Variants in GRB10 observed in about 807,000 individuals in gnomAD.
The protein encoded by GRB10 is growth factor receptor bound protein 10.
Under a neutral mutation model 80.9 loss-of-function variants are expected in GRB10, and 20 were observed. The ratio of observed to expected loss-of-function variants is 0.25; its 90% CI spans 0.17 to 0.36. The LOEUF (loss-of-function observed/expected upper bound fraction) is 0.36, where lower values mean the gene tolerates loss of function less well. Among genes scored for constraint, GRB10 ranks in the 10% least tolerant of loss-of-function variants. The pLI is 1.00. For missense variants in GRB10, 548 were observed against 747.7 expected, an observed-to-expected ratio of 0.73 and a Z score of 3.12; for synonymous variants, 291 against 291.5, an observed-to-expected ratio of 1.00 and a Z score of 0.02.
intron 10 of GRB10, among the ~76,000 whole-genome samples, chr7:50,617,010 G>T (rs550156691): frequency 6.6e-6 from 1 of 152,212 alleles, no homozygotes; most frequent in Non-Finnish European, 1.5e-5. Context: ...GGAAAGGCAC[G>T]TCGGACAGAG....
At chr7:50,713,404 C>T (rs777210260) in intron 4 of GRB10, among the ~76,000 whole-genome samples, 10 of 151,732 alleles carry the variant, frequency 6.6e-5, no homozygotes, top group Admixed American at 1.3e-4. Flanking sequence ...CCTCCTCCAC[C>T]GCCACCTCCA....
chr7:50,604,788 A>G, intron 15 of GRB10: 1 of 340,032 alleles, frequency 2.9e-6, no homozygotes, highest in Non-Finnish European at 5.6e-6. Context: ...AGAAAATGCC[A>G]GAGTCCAGGC....
chr7:50,703,945 T>A (rs1412446668), intron 4 of GRB10, 37 bp from the exon 5 acceptor site: 3 of 1,439,468 alleles, frequency 2.1e-6, no homozygotes, highest in Non-Finnish European at 2.9e-6. Context: ...GGCTGTGAGT[T>A]CACAAGAAGC....
At chr7:50,759,957 A>C (rs1300183473) in intron 2 of GRB10, among the ~76,000 whole-genome samples, 2 of 152,218 alleles carry the variant, frequency 1.3e-5, no homozygotes, top group African/African-American at 4.8e-5. Flanking sequence ...CAAAATGTGT[A>C]AACAGGCCCA....
chr7:50,656,002 G>A (rs1457773679), intron 7 of GRB10, among the ~76,000 whole-genome samples: 2 of 152,186 alleles, frequency 1.3e-5, no homozygotes, highest in East Asian at 3.8e-4. Flanking sequence ...TCTCTCACTG[G>A]GTTATGGGCT....
In GRB10 at chr7:50,627,057, G is replaced by A. The variant is rs574675715; in HGVS notation, c.505-79C>T. Reference sequence around the variant, plus strand: ...ATAAAAACTGAAACAAAAGAAAACAGGTAAAGTAAAAATAGTAGTGCTCCA... The same window carrying A: ...ATAAAAACTGAAACAAAAGAAAACAAGTAAAGTAAAAATAGTAGTGCTCCA... On this transcript the variant is annotated intron_variant, in intron 7 of 18. Coordinates refer to ENST00000401949, the MANE Select transcript of GRB10 (RefSeq NM_001350814.2). 14 of 1,463,006 alleles carry A rather than the reference G, an allele frequency of 9.6e-6. No individual in the cohort carries two copies. The East Asian group carries it at 3.2e-4, about 33-fold the overall frequency. 90.6% of individuals were successfully genotyped at this position (1,463,006 alleles called of 1,614,324 possible).
chr7:50,627,682 C>T lies in GRB10; in HGVS notation c.505-704G>A, dbSNP rs530041924. 1.4e-3 allele frequency among the ~76,000 whole-genome samples: 220 copies of T among 152,352 alleles called. 1 individual carries two copies. Among genetic ancestry groups the T allele is most frequent in the South Asian group, 2.1e-3 (10 of 4,824 alleles). On this transcript the variant is annotated intron_variant, in intron 7 of 18. Transcript: ENST00000401949. The stretch of plus-strand genomic sequence containing the variant: ...GGATGGAGAAGTAGAGTCCAGAGGA[C>T]GGGAGTCTATCCCTTCCAGGCAAGA...
intron 5 of GRB10, among the ~76,000 whole-genome samples, chr7:50,686,885 A>C (rs187095615): frequency 1.3e-5 from 2 of 152,178 alleles, no homozygotes; most frequent in Non-Finnish European, 2.9e-5. Flanking sequence ...TTACGTTTTA[A>C]TAATTTTCTT....
chr7:50,749,348 C>G (rs546953067), intron 3 of GRB10, among the ~76,000 whole-genome samples: 5 of 152,042 alleles, frequency 3.3e-5, no homozygotes, highest in Non-Finnish European at 7.4e-5. Context: ...AGGCTGATCT[C>G]GAACACCTGA....
rs548495328 is a variant in GRB10, at chr7:50,726,433, T to C, written c.51+5839A>G. ...AAAAACAAAAATAATACATAGAAAA[T>C]ATGTGATAAATATAGTTGTTTATAT... On this transcript the variant is annotated intron_variant, in intron 4 of 18. Transcript: ENST00000401949. Among the ~76,000 whole-genome samples the C allele has an allele frequency of 2.0e-5, 3 of 151,764 alleles. No homozygotes were observed. In the East Asian group the frequency reaches 5.8e-4, roughly 29 times the overall value.
intron 5 of GRB10, among the ~76,000 whole-genome samples, chr7:50,700,012 A>G (rs1486202756): frequency 5.9e-5 from 9 of 151,916 alleles, no homozygotes; most frequent in Admixed American, 3.3e-4. Flanking sequence ...GGTGGCGGGC[A>G]CCTGTAGTCC....
At chr7:50,625,539 C>T (rs2052722547) in intron 8 of GRB10, among the ~76,000 whole-genome samples, 1 of 152,182 alleles carries the variant, frequency 6.6e-6, no homozygotes, top group Non-Finnish European at 1.5e-5. Context: ...ATGGACGTCC[C>T]AAGCTGGAGC....
chr7:50,667,496 C>T (rs2059932079), intron 7 of GRB10, among the ~76,000 whole-genome samples: 3 of 152,108 alleles, frequency 2.0e-5, no homozygotes, highest in African/African-American at 7.2e-5. Context: ...GGAGCCAAAG[C>T]TCTTTGCCCA....
At chr7:50,646,655 C>T (rs1394556244) in intron 7 of GRB10, among the ~76,000 whole-genome samples, 7 of 152,158 alleles carry the variant, frequency 4.6e-5, no homozygotes, top group Non-Finnish European at 8.8e-5. Context: ...CAAATTGTCA[C>T]GCCCTGACTG....
rs567420837 is a variant in GRB10, at chr7:50,615,153, G to A, written c.985-273C>T. Among the ~76,000 whole-genome samples, 23 of 152,194 alleles carry A rather than the reference G, an allele frequency of 1.5e-4. No individual in the cohort carries two copies. In the South Asian group the frequency reaches 1.7e-3, roughly 11 times the overall value. ...TCTGGCAAATCAAAGCCCCATGACCGGATATTCAAGATAAAAAGCAGGAGA... is the reference window on the plus strand; with the variant it reads ...TCTGGCAAATCAAAGCCCCATGACCAGATATTCAAGATAAAAAGCAGGAGA... On this transcript the variant is annotated intron_variant, in intron 11 of 18. Coordinates refer to ENST00000401949, the MANE Select transcript of GRB10 (RefSeq NM_001350814.2).
At chr7:50,602,171 C>T (rs73129093) in intron 17 of GRB10, among the ~76,000 whole-genome samples, 2,635 of 152,224 alleles carry the variant, frequency 0.017, 44 homozygotes, top group Non-Finnish European at 0.02. Flanking sequence ...CCTACTTTTT[C>T]CAGGAAATAT....
At chr7:50,689,888 T>G (rs1322049523) in intron 5 of GRB10, among the ~76,000 whole-genome samples, 1 of 151,026 alleles carries the variant, frequency 6.6e-6, no homozygotes, top group African/African-American at 2.4e-5. Flanking sequence ...GGGGATAGAG[T>G]TTAAAATTGT....
intron 13 of GRB10, among the ~76,000 whole-genome samples, chr7:50,607,641 G>C (rs2048770502): frequency 6.6e-6 from 1 of 152,174 alleles, no homozygotes; most frequent in Admixed American, 6.5e-5. Flanking sequence ...CCATGTTACA[G>C]AGCACAGAAC....
intron 5 of GRB10, among the ~76,000 whole-genome samples, chr7:50,698,827 A>G (rs190685001): frequency 1.3e-5 from 2 of 152,348 alleles, no homozygotes; most frequent in Non-Finnish European, 2.9e-5. Context: ...TTCAAGTCAC[A>G]TGTGACAAAA....
Sources: allele counts gnomAD v4.1 joint callset (sites outside exome capture counted in the v4.1 genomes callset), GRCh38; gene constraint gnomAD v4.1.1; transcripts MANE v1.5; gene names NCBI Gene and HGNC (gene_info 2026-07-23, HGNC 2026-07-21).